Variants in AFG1L observed in about 807,000 individuals in gnomAD.
AFG1L encodes AFG1-like ATPase.
In AFG1L, 53 loss-of-function variants were observed where a neutral mutation model predicts 62.2. The observed-to-expected ratio is 0.85, with a 90% CI of 0.68 to 1.07. The LOEUF (loss-of-function observed/expected upper bound fraction) is 1.07, where lower values mean the gene tolerates loss of function less well. AFG1L is among the 50% of genes least tolerant of loss of function. The pLI is 0.00. For missense variants in AFG1L, 555 were observed against 590.5 expected, an observed-to-expected ratio of 0.94 and a Z score of 0.62; for synonymous variants, 228 against 210.3, an observed-to-expected ratio of 1.08 and a Z score of -0.73.
At chr6:108,329,466 T>C (rs1268085584) in intron 2 of AFG1L, among the ~76,000 whole-genome samples, 1 of 151,706 alleles carries the variant, frequency 6.6e-6, no homozygotes, top group Non-Finnish European at 1.5e-5. Context: ...GCCTGGCTAA[T>C]TTTTGCATTT....
At chr6:108,442,646 G>A (rs1771599705) in intron 7 of AFG1L, among the ~76,000 whole-genome samples, 1 of 152,152 alleles carries the variant, frequency 6.6e-6, no homozygotes, top group Non-Finnish European at 1.5e-5. Flanking sequence ...TAGAGGACCA[G>A]CTTCTTGGGT....
intron 7 of AFG1L, among the ~76,000 whole-genome samples, chr6:108,417,028 T>G (rs997738095): frequency 1.3e-5 from 2 of 150,984 alleles, no homozygotes; most frequent in Non-Finnish European, 1.5e-5. Context: ...GCTTGAGGAG[T>G]TTGAGATCAG....
chr6:108,300,830 G>A (rs898259275), intron 1 of AFG1L, among the ~76,000 whole-genome samples: 4 of 151,902 alleles, frequency 2.6e-5, no homozygotes, highest in African/African-American at 7.3e-5. Flanking sequence ...ACGCCATCAC[G>A]CCTGGCTAAT....
At chr6:108,317,426 G>T (rs1040010932) in intron 1 of AFG1L, among the ~76,000 whole-genome samples, 1 of 152,122 alleles carries the variant, frequency 6.6e-6, no homozygotes, top group African/African-American at 2.4e-5. Flanking sequence ...TCCAACTGTG[G>T]GTGGGACAAC....
chr6:108,470,787 ATC>A (rs930221991), intron 8 of AFG1L, among the ~76,000 whole-genome samples: 5 of 152,160 alleles, frequency 3.3e-5, no homozygotes, highest in African/African-American at 7.2e-5. Flanking sequence ...ATTAAATATT[ATC>A]TGTTTGCCTG....
chr6:108,313,950 C>T (rs1434989631), intron 1 of AFG1L, among the ~76,000 whole-genome samples: 1 of 152,176 alleles, frequency 6.6e-6, no homozygotes, highest in African/African-American at 2.4e-5. Flanking sequence ...TGCAGTGGCT[C>T]ATGCCTGTAA....
intron 2 of AFG1L, among the ~76,000 whole-genome samples, chr6:108,339,015 A>C: frequency 6.6e-6 from 1 of 152,148 alleles, no homozygotes; most frequent in Middle Eastern, 3.4e-3. Flanking sequence ...GATTTTTGCC[A>C]TGATGGTATT....
At chr6:108,435,322 G>T (rs1198775806) in intron 7 of AFG1L, among the ~76,000 whole-genome samples, 2 of 152,136 alleles carry the variant, frequency 1.3e-5, no homozygotes, top group Non-Finnish European at 2.9e-5. Flanking sequence ...GGAACCACTG[G>T]GTGTATCTGA....
chr6:108,311,757 T>C (rs1777421977), intron 1 of AFG1L, among the ~76,000 whole-genome samples: 1 of 152,248 alleles, frequency 6.6e-6, no homozygotes, highest in Non-Finnish European at 1.5e-5. Flanking sequence ...ATAGACGCTT[T>C]ATCATTATTT....
At chr6:108,376,461 G>A (rs1265270850) in intron 6 of AFG1L, among the ~76,000 whole-genome samples, 1 of 151,890 alleles carries the variant, frequency 6.6e-6, no homozygotes, top group Admixed American at 6.6e-5. Flanking sequence ...TTGGGATATT[G>A]TGTCTTTGTT....
chr6:108,357,959 A>G (rs115753190), intron 5 of AFG1L, among the ~76,000 whole-genome samples: 171 of 152,290 alleles, frequency 1.1e-3, no homozygotes, highest in African/African-American at 3.9e-3. Context: ...GGGAAGAGGG[A>G]TCTTTGCTTC....
chr6:108,457,291 A>ATTT (rs566643652), intron 8 of AFG1L, among the ~76,000 whole-genome samples: 3 of 151,592 alleles, frequency 2.0e-5, no homozygotes, highest in Admixed American at 1.3e-4. Flanking sequence ...CATATTAGTT[A>ATTT]TTTTTTTAAG....
At chr6:108,402,541 T>TC (rs1193721718) in intron 7 of AFG1L, among the ~76,000 whole-genome samples, 2 of 147,854 alleles carry the variant, frequency 1.4e-5, no homozygotes, top group Non-Finnish European at 3.0e-5. Flanking sequence ...ATAGTAACAG[T>TC]CAAAGACACT....
At chr6:108,518,218 G>C (rs1296053265) in intron 11 of AFG1L, among the ~76,000 whole-genome samples, 1 of 152,126 alleles carries the variant, frequency 6.6e-6, no homozygotes. Context: ...GTTTATTGTG[G>C]CACTATTCAC....
intron 6 of AFG1L, among the ~76,000 whole-genome samples, chr6:108,379,124 C>T (rs965190914): frequency 6.6e-6 from 1 of 151,450 alleles, no homozygotes; most frequent in African/African-American, 2.4e-5. Context: ...AATTCTCCTG[C>T]CTCAGCCTCC....
chr6:108,472,785 C>CTTTCTT (rs963734790), intron 8 of AFG1L, among the ~76,000 whole-genome samples: 3 of 149,624 alleles, frequency 2.0e-5, no homozygotes, highest in African/African-American at 7.3e-5. Context: ...TCCCTCCCTC[C>CTTTCTT]TTTCTTTTTC....
At chr6:108,492,003 T>C (rs1429788954) in intron 10 of AFG1L, among the ~76,000 whole-genome samples, 1 of 152,166 alleles carries the variant, frequency 6.6e-6, no homozygotes, top group Admixed American at 6.5e-5. Flanking sequence ...AAAACAAAAG[T>C]AACAAAACCT....
intron 10 of AFG1L, among the ~76,000 whole-genome samples, chr6:108,509,390 T>C (rs563721884): frequency 4.6e-5 from 7 of 152,198 alleles, no homozygotes; most frequent in Admixed American, 6.5e-5. Context: ...ACTTGAATAA[T>C]TGTACCTTAA....
chr6:108,312,120 C>T (rs1166810031), intron 1 of AFG1L, among the ~76,000 whole-genome samples: 2 of 152,220 alleles, frequency 1.3e-5, no homozygotes, highest in African/African-American at 4.8e-5. Flanking sequence ...CTGCCTTGGC[C>T]TCCCAAAGTG....
Sources: gnomAD v4.1 joint callset for allele counts (sites outside exome capture counted in the v4.1 genomes callset) on GRCh38, gnomAD v4.1.1 for gene constraint, MANE v1.5 for transcripts, NCBI Gene and HGNC (gene_info 2026-07-23, HGNC 2026-07-21) for gene names.